The following ANAPC10 variants were observed in gnomAD, a reference collection of about 807,000 sequenced individuals.
ANAPC10 encodes the protein anaphase promoting complex subunit 10, also known as anaphase-promoting complex subunit 10.
ANAPC10 carries 12 observed loss-of-function variants against 22.0 expected under a neutral mutation model. The ratio of observed to expected loss-of-function variants is 0.55; its 90% CI spans 0.35 to 0.88. ANAPC10 has a LOEUF of 0.88. Ranked by LOEUF, ANAPC10 falls within the 40% of genes least tolerant of loss-of-function variation. The probability of loss-of-function intolerance (pLI) is 0.01; values close to 1 mark genes in which losing one functional copy is unlikely to be tolerated. For missense variants in ANAPC10, 188 were observed against 220.9 expected (o/e 0.85, Z 0.94); for synonymous variants, 65 against 69.5 (o/e 0.94, Z 0.32).
At chr4:145,057,536 T>G (rs1047413963) in intron 4 of ANAPC10, among the ~76,000 whole-genome samples, 1 of 152,176 alleles carries the variant, frequency 6.6e-6, no homozygotes, top group Admixed American at 6.5e-5. Flanking sequence ...TCTTCTTTCA[T>G]ATCTAAGCTT....
At chr4:145,067,328 C>T (rs921016351) in intron 3 of ANAPC10, among the ~76,000 whole-genome samples, 3 of 152,086 alleles carry the variant, frequency 2.0e-5, no homozygotes, top group Non-Finnish European at 2.9e-5. Context: ...ATACGCCAGG[C>T]ATCGTGCTAT....
At chr4:145,006,215 T>G (rs978038261) in intron 4 of ANAPC10, among the ~76,000 whole-genome samples, 1 of 152,136 alleles carries the variant, frequency 6.6e-6, no homozygotes, top group Admixed American at 6.6e-5. Context: ...ATGCCCTTTT[T>G]GTCTTTTGTG....
intron 4 of ANAPC10, among the ~76,000 whole-genome samples, chr4:145,010,779 A>G (rs1412531447): frequency 6.6e-6 from 1 of 152,088 alleles, no homozygotes; most frequent in Admixed American, 6.6e-5. Context: ...CATATGTAAC[A>G]AACCTGCACG....
At chr4:145,096,160 T>A (rs778878942) in intron 1 of ANAPC10, 49 bp from the exon 2 acceptor site, 11 of 1,576,326 alleles carry the variant, frequency 7.0e-6, no homozygotes, top group Non-Finnish European at 8.6e-6. Context: ...CTGGGCATCT[T>A]TCTACAAAAG....
chr4:145,062,510 G>T (rs1283448165), intron 4 of ANAPC10, among the ~76,000 whole-genome samples: 1 of 152,084 alleles, frequency 6.6e-6, no homozygotes, highest in African/African-American at 2.4e-5. Flanking sequence ...AAGAGGCTGA[G>T]GTTTAAGAAT....
intron 2 of ANAPC10, among the ~76,000 whole-genome samples, chr4:145,084,817 G>A (rs1264622445): frequency 6.6e-6 from 1 of 151,966 alleles, no homozygotes; most frequent in Non-Finnish European, 1.5e-5. Flanking sequence ...TTGAAGATTA[G>A]GACAAAATGT....
chr4:145,047,538 C>A (rs143366799), intron 4 of ANAPC10, among the ~76,000 whole-genome samples: 11 of 152,222 alleles, frequency 7.2e-5, no homozygotes, highest in African/African-American at 2.2e-4. Flanking sequence ...TCCATATCTG[C>A]CTTAGACAAT....
rs76563722 is a variant in ANAPC10 at position 145,090,347 on chromosome 4, C to T, written c.115+5638G>A. Among the ~76,000 whole-genome samples the T allele has an allele frequency of 4.4e-3, 667 of 152,244 alleles. 3 individuals are homozygous for T. The highest frequency in any genetic ancestry group is 0.015 in the African/African-American group (615 of 41,574). On this transcript the variant is annotated intron_variant, in intron 2 of 4. Coordinates refer to ENST00000507656, the MANE Select transcript of ANAPC10 (RefSeq NM_001256706.2). ...GGGTTTTTTCCAACTATTTTCAACC[C>T]TCAGTTAGTTGAATCCATGAAATTA...
intron 2 of ANAPC10, among the ~76,000 whole-genome samples, chr4:145,085,206 A>G (rs1286853505): frequency 6.6e-6 from 1 of 152,224 alleles, no homozygotes; most frequent in Admixed American, 6.5e-5. Context: ...GTAGTAAGCC[A>G]TGACTGTACC....
chr4:145,056,886 A>G (rs759828014), intron 4 of ANAPC10, among the ~76,000 whole-genome samples: 1 of 152,166 alleles, frequency 6.6e-6, no homozygotes, highest in African/African-American at 2.4e-5. Flanking sequence ...ATATCCTGTC[A>G]TATGGTTAAA....
At chr4:145,034,210 G>A (rs1184549533) in intron 4 of ANAPC10, among the ~76,000 whole-genome samples, 1 of 152,130 alleles carries the variant, frequency 6.6e-6, no homozygotes, top group Non-Finnish European at 1.5e-5. Flanking sequence ...GGGTATGCCT[G>A]TGTCGGTGTT....
intron 3 of ANAPC10, among the ~76,000 whole-genome samples, chr4:145,077,828 C>G (rs1407239193): frequency 6.6e-6 from 1 of 152,120 alleles, no homozygotes; most frequent in Middle Eastern, 3.2e-3. Flanking sequence ...CAACAATCAT[C>G]ATGTTAAAAA....
At chr4:144,997,323 A>G (rs1731771249) in intron 4 of ANAPC10, among the ~76,000 whole-genome samples, 1 of 152,246 alleles carries the variant, frequency 6.6e-6, no homozygotes, top group Admixed American at 6.5e-5. Flanking sequence ...AAAAATATTA[A>G]GGGCAGCCAG....
chr4:145,035,013 T>G (rs1738288063), intron 4 of ANAPC10: 1 of 152,546 alleles, frequency 6.6e-6, no homozygotes, highest in South Asian at 2.1e-4. Context: ...TGGACACCTG[T>G]GGCGACTTTG....
intron 4 of ANAPC10, among the ~76,000 whole-genome samples, chr4:145,011,462 T>C (rs897387550): frequency 4.0e-5 from 6 of 151,786 alleles, no homozygotes; most frequent in African/African-American, 1.5e-4. Context: ...AACATAAAAA[T>C]TATCATTTTA....
intron 4 of ANAPC10, among the ~76,000 whole-genome samples, chr4:145,037,423 T>C (rs542334754): frequency 5.9e-5 from 9 of 152,224 alleles, no homozygotes; most frequent in Admixed American, 3.3e-4. Flanking sequence ...CCTATCACCA[T>C]AAATTTTAAC....
At chr4:145,036,054 G>C (rs531248346) in intron 4 of ANAPC10, among the ~76,000 whole-genome samples, 1 of 152,186 alleles carries the variant, frequency 6.6e-6, no homozygotes, top group East Asian at 1.9e-4. Context: ...TAAAAATTAA[G>C]AAACAAGGTA....
intron 4 of ANAPC10, among the ~76,000 whole-genome samples, chr4:145,044,276 T>C (rs1739951631): frequency 6.6e-6 from 1 of 152,054 alleles, no homozygotes; most frequent in Non-Finnish European, 1.5e-5. Context: ...AAGAGCTCAA[T>C]GCAACAATGA....
intron 4 of ANAPC10, among the ~76,000 whole-genome samples, chr4:145,038,123 C>G (rs1481544562): frequency 2.0e-5 from 3 of 151,918 alleles, no homozygotes; most frequent in African/African-American, 7.3e-5. Context: ...TAGCTTGAGG[C>G]CAGAAGTTCC....
Sources: allele counts gnomAD v4.1 joint callset (sites outside exome capture counted in the v4.1 genomes callset), GRCh38; gene constraint gnomAD v4.1.1; transcripts MANE v1.5; gene names NCBI Gene and HGNC (gene_info 2026-07-23, HGNC 2026-07-21).